SLC1A1: variants seen among roughly 807,000 people sequenced by gnomAD.
The protein encoded by SLC1A1 is excitatory amino acid transporter 3.
A neutral mutation model predicts 53.3 loss-of-function variants in SLC1A1; 43 were observed. The ratio of observed to expected loss-of-function variants is 0.81; its 90% confidence interval spans 0.63 to 1.04. SLC1A1 has a LOEUF of 1.04. SLC1A1 is among the 50% of genes least tolerant of loss of function. The pLI, the probability that SLC1A1 is intolerant of heterozygous loss-of-function variation, is 0.00. For synonymous variants in SLC1A1, 307 were observed against 243.2 expected, an observed-to-expected ratio of 1.26 and a Z score of -2.44; for missense variants, 748 against 664.9, an observed-to-expected ratio of 1.12 and a Z score of -1.37.
At chr9:4,540,238 C>G (rs912119605) in intron 1 of SLC1A1, among the ~76,000 whole-genome samples, 1 of 152,160 alleles carries the variant, frequency 6.6e-6, no homozygotes, top group South Asian at 2.1e-4. Flanking sequence ...AAGATTATCC[C>G]GCTCCATCCC....
chr9:4,506,542 A>G (rs758624154), intron 1 of SLC1A1, among the ~76,000 whole-genome samples: 7 of 151,680 alleles, frequency 4.6e-5, no homozygotes, highest in Non-Finnish European at 1.0e-4. Context: ...GTATTTTCCA[A>G]TAATCTCCAA....
At chr9:4,498,219 A>C (rs1820507144) in intron 1 of SLC1A1, among the ~76,000 whole-genome samples, 1 of 152,220 alleles carries the variant, frequency 6.6e-6, no homozygotes, top group Non-Finnish European at 1.5e-5. Context: ...AAAATGACCT[A>C]GACATTGAGT....
chr9:4,567,566 T>C (rs1564050907), intron 5 of SLC1A1, 103 bp from the exon 6 acceptor site: 33 of 736,040 alleles, frequency 4.5e-5, no homozygotes, highest in Non-Finnish European at 2.2e-5. Context: ...ATCCCTTCAG[T>C]GGCACTGTTT....
intron 1 of SLC1A1, among the ~76,000 whole-genome samples, chr9:4,494,874 T>G (rs1436927912): frequency 6.6e-6 from 1 of 152,232 alleles, no homozygotes; most frequent in Non-Finnish European, 1.5e-5. Flanking sequence ...AGACCAGTTA[T>G]GCCATTACTT....
chr9:4,495,266 G>C (rs758058134), intron 1 of SLC1A1, among the ~76,000 whole-genome samples: 2 of 152,136 alleles, frequency 1.3e-5, no homozygotes, highest in African/African-American at 2.4e-5. Flanking sequence ...GCAGTGTTTA[G>C]GAATATCCCT....
At chr9:4,578,800 A>G (rs1280552595) in intron 10 of SLC1A1, among the ~76,000 whole-genome samples, 3 of 152,222 alleles carry the variant, frequency 2.0e-5, no homozygotes, top group Admixed American at 6.5e-5. Context: ...GACACAGAAT[A>G]GTTTCATCAT....
Position 4,531,271 on chromosome 9 carries a change from G to A in SLC1A1, c.92-13296G>A, listed in dbSNP as rs370167944. On this transcript the variant is annotated intron_variant, in intron 1 of 11. Coordinates refer to ENST00000262352, the MANE Select transcript of SLC1A1 (RefSeq NM_004170.6). ...AGCAGGGCGAGGCATCGCCTCACCC[G>A]GGAAGCACAAGGGGTCAGGGAATTC... Among the ~76,000 whole-genome samples the A allele has an allele frequency of 1.2e-4, 18 of 152,342 alleles. 1 individual carries two copies. Among genetic ancestry groups the A allele is most frequent in the Middle Eastern group, 6.8e-3 (2 of 292 alleles).
intron 5 of SLC1A1, among the ~76,000 whole-genome samples, chr9:4,566,902 A>C (rs764233833): frequency 6.6e-6 from 1 of 152,144 alleles, no homozygotes; most frequent in Non-Finnish European, 1.5e-5. Flanking sequence ...AGTTACATGA[A>C]CACAGACTTC....
intron 2 of SLC1A1, 146 bp from the exon 3 acceptor site, chr9:4,561,303 T>C: frequency 1.4e-6 from 1 of 714,278 alleles, no homozygotes; most frequent in South Asian, 1.5e-5. Context: ...TTTGAAGTGT[T>C]GCTTTTGCCC....
intron 6 of SLC1A1, among the ~76,000 whole-genome samples, chr9:4,569,976 G>C (rs952948799): frequency 6.6e-6 from 1 of 152,214 alleles, no homozygotes; most frequent in African/African-American, 2.4e-5. Context: ...CATTCAGCAA[G>C]GGATGTTAAA....
intron 10 of SLC1A1, among the ~76,000 whole-genome samples, chr9:4,582,519 C>G (rs1189067182): frequency 2.0e-5 from 3 of 152,158 alleles, no homozygotes; most frequent in Non-Finnish European, 4.4e-5. Context: ...GCCCATCTGC[C>G]CCTACAACTA....
At position 4,556,946 on chromosome 9, in the gene SLC1A1, G is replaced by C. The variant is rs1818454795; in HGVS notation, c.233-4503G>C. On this transcript the variant is annotated intron_variant, in intron 2 of 11. Transcript: ENST00000262352. The surrounding 1 kb of genome is among the most constrained non-coding windows in gnomAD (Gnocchi z 4.1). ...ACAACAACAACAATAAAACAAGGTT[G>C]AAAAAGACTGAGATGTTACATGTGT... 1.3e-5 allele frequency among the ~76,000 whole-genome samples: 2 copies of C among 152,154 alleles called. No homozygotes were observed. The highest frequency in any genetic ancestry group is 4.8e-5 in the African/African-American group (2 of 41,436).
chr9:4,564,234 C>T (rs1819264502), intron 3 of SLC1A1, 110 bp from the exon 4 acceptor site: 3 of 778,478 alleles, frequency 3.9e-6, no homozygotes, highest in Non-Finnish European at 6.8e-6. Context: ...CAGGGTCCTC[C>T]CCATCACACT....
intron 1 of SLC1A1, among the ~76,000 whole-genome samples, chr9:4,536,595 G>T (rs1816682865): frequency 6.6e-6 from 1 of 152,172 alleles, no homozygotes; most frequent in Non-Finnish European, 1.5e-5. Flanking sequence ...ACTGTTGGTG[G>T]GACTGTAAAC....
chr9:4,527,173 C>A (rs527319796), intron 1 of SLC1A1, among the ~76,000 whole-genome samples: 1 of 152,120 alleles, frequency 6.6e-6, no homozygotes, highest in Non-Finnish European at 1.5e-5. Context: ...AATCCTACAA[C>A]TACCAGGAAG....
chr9:4,561,734 C>G (rs1205232645), intron 3 of SLC1A1, among the ~76,000 whole-genome samples, 193 bp downstream of exon 3: 1 of 152,042 alleles, frequency 6.6e-6, no homozygotes, highest in East Asian at 1.9e-4. Flanking sequence ...ACCAAAAATA[C>G]AAAAATATTA....
At chr9:4,526,019 A>G (rs1816246248) in intron 1 of SLC1A1, among the ~76,000 whole-genome samples, 1 of 152,104 alleles carries the variant, frequency 6.6e-6, no homozygotes, top group Non-Finnish European at 1.5e-5. Flanking sequence ...AAAAACAAAA[A>G]CAAAGCTATA....
intron 1 of SLC1A1, among the ~76,000 whole-genome samples, chr9:4,539,972 C>A (rs1472707312): frequency 2.0e-5 from 3 of 152,236 alleles, no homozygotes; most frequent in African/African-American, 7.2e-5. Flanking sequence ...AAGGGCCTCA[C>A]TCTGAAGCCT....
chr9:4,529,392 G>C (rs767112416), intron 1 of SLC1A1, among the ~76,000 whole-genome samples: 42 of 152,124 alleles, frequency 2.8e-4, no homozygotes, highest in Non-Finnish European at 2.2e-4. Flanking sequence ...CTTTGCAGTA[G>C]TCTTACGAAT....
Sources: allele counts gnomAD v4.1 joint callset (sites outside exome capture counted in the v4.1 genomes callset), GRCh38; gene constraint gnomAD v4.1.1; non-coding constraint Gnocchi (gnomAD v3.1); transcripts MANE v1.5; gene names NCBI Gene and HGNC (gene_info 2026-07-23, HGNC 2026-07-21).